BMPR2: variants seen among roughly 807,000 people sequenced by gnomAD.
The protein encoded by BMPR2 is bone morphogenetic protein receptor type-2.
In BMPR2, 29 loss-of-function variants were observed where a neutral mutation model predicts 100.8. The ratio of observed to expected loss-of-function variants is 0.29; its 90% confidence interval spans 0.21 to 0.39. The LOEUF (loss-of-function observed/expected upper bound fraction) is 0.39. BMPR2 is among the 10% of genes least tolerant of loss of function. The pLI is 1.00. For synonymous variants in BMPR2, 382 were observed against 442.3 expected, an observed-to-expected ratio of 0.86 and a Z score of 1.71; for missense variants, 1,011 against 1,274.5, an observed-to-expected ratio of 0.79 and a Z score of 3.15.
At chr2:202,506,243 G>A (rs1031673314) in intron 3 of BMPR2, among the ~76,000 whole-genome samples, 5 of 151,916 alleles carry the variant, frequency 3.3e-5, no homozygotes, top group East Asian at 1.9e-4. Flanking sequence ...TGCAACCTCC[G>A]CTTCTTGGGT....
At chr2:202,539,656 A>G (rs917151049) in intron 9 of BMPR2, among the ~76,000 whole-genome samples, 1 of 152,102 alleles carries the variant, frequency 6.6e-6, no homozygotes, top group Non-Finnish European at 1.5e-5. Flanking sequence ...TCTGTATTAC[A>G]GAGGAAGAGT....
intron 1 of BMPR2, among the ~76,000 whole-genome samples, chr2:202,459,794 A>G (rs1692190485): frequency 6.6e-6 from 1 of 152,254 alleles, no homozygotes; most frequent in Admixed American, 6.5e-5. Flanking sequence ...GAGCTTCTGC[A>G]TGGCAAAAGA....
chr2:202,516,893 T>A (rs908382051), intron 5 of BMPR2, among the ~76,000 whole-genome samples: 1 of 152,216 alleles, frequency 6.6e-6, no homozygotes, highest in African/African-American at 2.4e-5. Context: ...AAACACAACA[T>A]ATATCCTTAA....
chr2:202,501,664 A>G (rs1008474776), intron 3 of BMPR2, among the ~76,000 whole-genome samples: 2 of 152,174 alleles, frequency 1.3e-5, no homozygotes, highest in African/African-American at 2.4e-5. Context: ...TAATACAAGG[A>G]AAGGATCTCA....
intron 1 of BMPR2, among the ~76,000 whole-genome samples, chr2:202,432,917 A>G (rs1490108435): frequency 1.3e-5 from 2 of 150,456 alleles, no homozygotes; most frequent in Non-Finnish European, 2.9e-5. Flanking sequence ...TGTTAAATCT[A>G]CTTTGTTGTT....
At chr2:202,492,449 C>G (rs1274032433) in intron 3 of BMPR2, among the ~76,000 whole-genome samples, 1 of 151,874 alleles carries the variant, frequency 6.6e-6, no homozygotes, top group Non-Finnish European at 1.5e-5. Context: ...CTTGTAATCC[C>G]AGCACTTTGG....
intron 1 of BMPR2, among the ~76,000 whole-genome samples, chr2:202,451,852 C>T (rs550036046): frequency 5.9e-5 from 9 of 152,116 alleles, no homozygotes; most frequent in East Asian, 3.9e-4. Flanking sequence ...CAGGTTCAAG[C>T]GATTCTCCTG....
At chr2:202,490,451 A>G (rs1692877696) in intron 3 of BMPR2, among the ~76,000 whole-genome samples, 1 of 152,224 alleles carries the variant, frequency 6.6e-6, no homozygotes, top group Admixed American at 6.5e-5. Context: ...TGTGTATGGT[A>G]TACATTCATT....
intron 9 of BMPR2, among the ~76,000 whole-genome samples, chr2:202,538,982 C>T (rs990402834): frequency 6.6e-6 from 1 of 151,822 alleles, no homozygotes; most frequent in Non-Finnish European, 1.5e-5. Context: ...GAGATGGTAA[C>T]TGAGAAGTTA....
Position 202,532,401 on chromosome 2 carries a change from C to T in BMPR2, c.1129-184C>T, listed in dbSNP as rs1256624404. Reference sequence around the variant, plus strand: ...ATAGTATTCACTAAAATGGATTTACCACAGTTTACTTATTCAGGAAGGGCA... The same window carrying T: ...ATAGTATTCACTAAAATGGATTTACTACAGTTTACTTATTCAGGAAGGGCA... On this transcript the variant is annotated intron_variant, in intron 8 of 12. Transcript: ENST00000374580. This position sits in a 1 kb window ranked among gnomAD's most constrained non-coding sequence, Gnocchi z 4.1. Among the ~76,000 whole-genome samples, 1 of 151,874 alleles carries T rather than the reference C, an allele frequency of 6.6e-6. No individual in the cohort carries two copies. Among genetic ancestry groups the T allele is most frequent in the Non-Finnish European group, 1.5e-5 (1 of 67,980 alleles).
chr2:202,518,676 A>G (rs78825481), intron 5 of BMPR2, 146 bp from the exon 6 acceptor site: 1 of 776,224 alleles, frequency 1.3e-6, no homozygotes, highest in Non-Finnish European at 2.2e-6. Flanking sequence ...CCATACTAGA[A>G]CAGAATTTAT....
At chr2:202,514,719 T>C (rs1200681028) in intron 4 of BMPR2, among the ~76,000 whole-genome samples, 169 bp from the exon 5 acceptor site, 1 of 152,244 alleles carries the variant, frequency 6.6e-6, no homozygotes, top group East Asian at 1.9e-4. Flanking sequence ...TCTTAATTTA[T>C]AGGTATTACC....
intron 2 of BMPR2, among the ~76,000 whole-genome samples, 193 bp from the exon 3 acceptor site, chr2:202,467,326 C>T (rs191981031): frequency 5.3e-5 from 8 of 152,106 alleles, no homozygotes; most frequent in Non-Finnish European, 7.4e-5. Flanking sequence ...TGGCCTTTTC[C>T]CCCCCATGAA....
Position 202,470,770 on chromosome 2 carries a change from CAA to C in BMPR2, c.418+3099_418+3100del, listed in dbSNP as rs35813080. Among the ~76,000 whole-genome samples the C allele has an allele frequency of 3.4e-4, 22 of 65,494 alleles. 1 individual carries two copies. Among genetic ancestry groups the C allele is most frequent in the East Asian group, 1.8e-3 (3 of 1,646 alleles). The allele number at this position is 65,494 out of a possible 152,430, so 43.0% of individuals were successfully genotyped here. On this transcript the variant is annotated intron_variant, in intron 3 of 12. Coordinates refer to ENST00000374580, the MANE Select transcript of BMPR2 (RefSeq NM_001204.7). ...TGGGCGACAGAGCGAGACTCCGTCT[CAA>C]AAAAAAAAAAAAAAAAAGAAAGTAA...
chr2:202,425,593 G>A (rs547326703), intron 1 of BMPR2, among the ~76,000 whole-genome samples: 9 of 152,198 alleles, frequency 5.9e-5, no homozygotes, highest in Non-Finnish European at 1.2e-4. Context: ...AGATATAGAG[G>A]GGAAGCACCT....
intron 10 of BMPR2, among the ~76,000 whole-genome samples, chr2:202,543,171 T>C (rs1164714336): frequency 6.2e-5 from 9 of 145,350 alleles, no homozygotes; most frequent in African/African-American, 2.0e-4. Context: ...AGCGAGACTC[T>C]GTCTCAAAAA....
chr2:202,466,112 TTGTA>T (rs1217757590), intron 2 of BMPR2, among the ~76,000 whole-genome samples: 4 of 152,158 alleles, frequency 2.6e-5, no homozygotes, highest in Admixed American at 1.3e-4. Context: ...AATTTTTTGA[TTGTA>T]TGTGATTGTT....
Position 202,495,473 on chromosome 2 carries a change from C to T in BMPR2, c.419-18246C>T, listed in dbSNP as rs1038057939. On this transcript the variant is annotated intron_variant, in intron 3 of 12. Transcript: ENST00000374580. This position sits in a 1 kb window ranked among gnomAD's most constrained non-coding sequence, Gnocchi z 4.5. ...TCGACGACCAGCCACTTTCTTCCGCCGATGTGCTCCTCTTTACGTCTGGCC... is the reference window on the plus strand; with the variant it reads ...TCGACGACCAGCCACTTTCTTCCGCTGATGTGCTCCTCTTTACGTCTGGCC... Among the ~76,000 whole-genome samples the T allele has an allele frequency of 1.3e-5, 2 of 152,136 alleles. No individual in the cohort carries two copies. The highest frequency in any genetic ancestry group is 2.4e-5 in the African/African-American group (1 of 41,428).
chr2:202,443,372 T>C (rs1337496189), intron 1 of BMPR2, among the ~76,000 whole-genome samples: 1 of 150,786 alleles, frequency 6.6e-6, no homozygotes, highest in Non-Finnish European at 1.5e-5. Flanking sequence ...TTTTAATTTT[T>C]TGAGGAACTT....
Sources: gnomAD v4.1 joint callset for allele counts (sites outside exome capture counted in the v4.1 genomes callset) on GRCh38, gnomAD v4.1.1 for gene constraint, Gnocchi (gnomAD v3.1) non-coding constraint, MANE v1.5 for transcripts, NCBI Gene and HGNC (gene_info 2026-07-23, HGNC 2026-07-21) for gene names.